MTRR: variants seen among roughly 807,000 people sequenced by gnomAD.
MTRR encodes the protein 5-methyltetrahydrofolate-homocysteine methyltransferase reductase.
In MTRR, 63 loss-of-function variants were observed where a neutral mutation model predicts 79.2. The ratio of observed to expected loss-of-function variants is 0.80; its 90% CI spans 0.65 to 0.98. The LOEUF (loss-of-function observed/expected upper bound fraction) is 0.98, where lower values mean the gene tolerates loss of function less well. MTRR is among the 50% of genes least tolerant of loss of function. MTRR has a pLI of 0.00. For synonymous variants in MTRR, 355 were observed against 313.3 expected (o/e 1.13, Z -1.41); for missense variants, 895 against 839.6 (o/e 1.07, Z -0.82).
At chr5:7,885,897 T>A in intron 7 of MTRR, 43 bp downstream of exon 7, 1 of 1,613,068 alleles carries the variant, frequency 6.2e-7, no homozygotes, top group East Asian at 2.2e-5. Flanking sequence ...TGTGGGCCAG[T>A]GGACTGGAGC....
intron 9 of MTRR, 41 bp downstream of exon 9, chr5:7,889,316 G>A (rs1737159868): frequency 3.7e-6 from 6 of 1,610,458 alleles, no homozygotes; most frequent in Non-Finnish European, 5.1e-6. Context: ...GGCTGTTCGT[G>A]CACTGGTAGG....
rs116558608 is a variant in MTRR at position 7,899,086 on chromosome 5, T to C, written c.1953-828T>C. Reference sequence around the variant, plus strand: ...CAGGGGGAGGTGCCACACACTCAAATAGCCAGATCTCTCAGGAACTCAGAG... The same window carrying C: ...CAGGGGGAGGTGCCACACACTCAAACAGCCAGATCTCTCAGGAACTCAGAG... On this transcript the variant is annotated intron_variant, in intron 14 of 14. Coordinates refer to ENST00000440940, the MANE Select transcript of MTRR (RefSeq NM_002454.3). Among the ~76,000 whole-genome samples the C allele has an allele frequency of 6.6e-3, 1,005 of 152,012 alleles. 12 individuals are homozygous for C. The highest frequency in any genetic ancestry group is 0.023 in the African/African-American group (966 of 41,440).
intron 1 of MTRR, chr5:7,861,453 G>C: frequency 1.5e-6 from 1 of 654,846 alleles, no homozygotes; most frequent in South Asian, 3.9e-5. Flanking sequence ...TTCCCAACAT[G>C]GTATTCTGAA....
At chr5:7,854,507 G>A (rs569039908) in intron 1 of MTRR, among the ~76,000 whole-genome samples, 1 of 152,310 alleles carries the variant, frequency 6.6e-6, no homozygotes, top group South Asian at 2.1e-4. Context: ...AGTTCCACAT[G>A]GCTAGGGAGG....
rs1204707535 is a variant in MTRR at position 7,889,334 on chromosome 5, C to A, written c.1327+59C>A. On this transcript the variant is annotated intron_variant, in intron 9 of 14. Coordinates refer to ENST00000440940, the MANE Select transcript of MTRR (RefSeq NM_002454.3). ...TGTTCGTGCACTGGTAGGCGGGCCA[C>A]CTTTCTGTAGTAAAGAAAATTTGCT... 5 of 1,598,910 alleles carry A rather than the reference C, an allele frequency of 3.1e-6. No homozygotes were observed. In the East Asian group the frequency reaches 1.1e-4, roughly 36 times the overall value.
upstream of MTRR, chr5:7,851,126 C>A: frequency 8.3e-7 from 1 of 1,207,002 alleles, no homozygotes; most frequent in Non-Finnish European, 1.0e-6. Flanking sequence ...AGCGTCTAGC[C>A]CGCGTCTGTG....
At chr5:7,892,593 T>C in intron 10 of MTRR, 134 bp from the exon 11 acceptor site, 1 of 963,390 alleles carries the variant, frequency 1.0e-6, no homozygotes, top group Non-Finnish European at 1.6e-6. Context: ...AATAATGGCT[T>C]TCCTCTGTGA....
chr5:7,864,267 A>T (rs1457952212), upstream of MTRR, among the ~76,000 whole-genome samples: 1 of 152,136 alleles, frequency 6.6e-6, no homozygotes, highest in East Asian at 1.9e-4. Flanking sequence ...AAACAACATG[A>T]ACATAATAAG....
chr5:7,867,364 T>C, upstream of MTRR: 1 of 1,614,190 alleles, frequency 6.2e-7, no homozygotes, highest in South Asian at 1.1e-5. Flanking sequence ...GAAGTTGATT[T>C]ATAATGAGTT....
At chr5:7,854,985 T>C (rs1001695770) in intron 1 of MTRR, among the ~76,000 whole-genome samples, 2 of 152,212 alleles carry the variant, frequency 1.3e-5, no homozygotes, top group African/African-American at 4.8e-5. Flanking sequence ...GGATCTGCCC[T>C]TTGGTTTAAT....
intron 13 of MTRR, 31 bp downstream of exon 13, chr5:7,896,987 C>T (rs1440082682): frequency 1.2e-6 from 2 of 1,607,736 alleles, no homozygotes; most frequent in Non-Finnish European, 1.7e-6. Flanking sequence ...TGTACTCAAC[C>T]ACTGAGTGTA....
intron 9 of MTRR, chr5:7,890,376 G>C (rs947830611): frequency 1.0e-6 from 1 of 985,340 alleles, no homozygotes; most frequent in Non-Finnish European, 1.2e-6. Context: ...TGAAGTCTTC[G>C]AGAACCATCA....
intron 1 of MTRR, 166 bp downstream of exon 1, chr5:7,869,381 G>A (rs553850444): frequency 4.4e-6 from 3 of 682,396 alleles, no homozygotes; most frequent in African/African-American, 1.8e-5. Context: ...GCTCGGACTT[G>A]GCCTTTGGCC....
chr5:7,851,381 A>G (rs1467263515), exon 1 of MTRR: 2 of 204,844 alleles, frequency 9.8e-6, no homozygotes, highest in Non-Finnish European at 1.9e-5. Context: ...TCGCGAGACC[A>G]TTAGTGACTG....
upstream of MTRR, chr5:7,868,993 C>G (rs755480862): frequency 2.1e-6 from 2 of 959,046 alleles, no homozygotes; most frequent in Non-Finnish European, 3.3e-6. Context: ...CTCTGCCGGG[C>G]AATCACTCCG....
chr5:7,867,738 G>A (rs138057208), upstream of MTRR: 98 of 1,614,106 alleles, frequency 6.1e-5, no homozygotes, highest in Middle Eastern at 1.6e-4. Flanking sequence ...ATAAAACTTA[G>A]CACTTCTTCT....
Position 7,870,880 on chromosome 5 carries a change from A to G in MTRR, c.86A>G (p.His29Arg). The G allele has an allele frequency of 6.2e-7, 1 of 1,614,230 alleles. No homozygotes were observed. The highest frequency in any genetic ancestry group is 8.5e-7 in the Non-Finnish European group (1 of 1,180,036). ...GAAATATGTGAGCAAGCTGTGGTAC[A>G]TGGATTTTCTGCAGATCTTCACTGT... The part of the protein sequence containing the change: ...AEEICEQAVV[H>R]GFSADLHCIS... Residue 29 changes from histidine (H) to arginine (R), a missense_variant, in exon 2 of 15, where the codon CAT becomes CGT. Coordinates refer to ENST00000440940, the MANE Select transcript of MTRR (RefSeq NM_002454.3).
At chr5:7,851,947 A>C (rs1746090609) in intron 1 of MTRR, among the ~76,000 whole-genome samples, 1 of 152,280 alleles carries the variant, frequency 6.6e-6, no homozygotes, top group Non-Finnish European at 1.5e-5. Context: ...TGGGAAGGCC[A>C]GCCTTGCTGA....
chr5:7,871,052 T>A, intron 2 of MTRR, 129 bp downstream of exon 2: 1 of 1,089,966 alleles, frequency 9.2e-7, no homozygotes, highest in Non-Finnish European at 1.4e-6. Flanking sequence ...AATGTGTTTG[T>A]TCAATGGTAT....
Sources: allele counts gnomAD v4.1 joint callset (sites outside exome capture counted in the v4.1 genomes callset), GRCh38; gene constraint gnomAD v4.1.1; transcripts MANE v1.5; gene names NCBI Gene and HGNC (gene_info 2026-07-23, HGNC 2026-07-21).